The following ARHGAP22 variants were observed in gnomAD, a reference collection of about 807,000 sequenced individuals.
ARHGAP22 encodes Rho GTPase activating protein 22.
In ARHGAP22, 48 loss-of-function variants were observed where a neutral mutation model predicts 59.1. The ratio of observed to expected loss-of-function variants is 0.81; its 90% CI spans 0.64 to 1.03. The LOEUF is 1.03. Ranked by LOEUF, ARHGAP22 falls within the 50% of genes least tolerant of loss-of-function variation. The pLI is 0.00. For synonymous variants in ARHGAP22, 445 were observed against 416.4 expected, an observed-to-expected ratio of 1.07 and a Z score of -0.84; for missense variants, 1,015 against 958.7, an observed-to-expected ratio of 1.06 and a Z score of -0.78.
intron 3 of ARHGAP22, among the ~76,000 whole-genome samples, chr10:48,520,788 G>A (rs563913297): frequency 6.6e-6 from 1 of 152,246 alleles, no homozygotes; most frequent in East Asian, 1.9e-4. Flanking sequence ...CAGGAAGGGT[G>A]AGGGGCGAAG....
chr10:48,541,895 A>T (rs2055982207), intron 3 of ARHGAP22, among the ~76,000 whole-genome samples: 1 of 151,984 alleles, frequency 6.6e-6, no homozygotes, highest in East Asian at 1.9e-4. Context: ...CCATGGGGGG[A>T]GTTCAGTTAA....
intron 2 of ARHGAP22, among the ~76,000 whole-genome samples, chr10:48,567,823 G>T (rs1218653171): frequency 6.6e-6 from 1 of 151,932 alleles, no homozygotes; most frequent in Non-Finnish European, 1.5e-5. Context: ...CATTACTACA[G>T]TGAGAGGTAA....
the ARHGAP22 span, among the ~76,000 whole-genome samples, chr10:48,439,600 A>G: frequency 3.3e-5 from 5 of 152,166 alleles, no homozygotes; most frequent in East Asian, 5.8e-4. Flanking sequence ...CTTTGCTTCA[A>G]TGCCCTTAAC....
At chr10:48,609,058 CA>C (rs1162860846), upstream of ARHGAP22, among the ~76,000 whole-genome samples, 1 of 152,112 alleles carries the variant, frequency 6.6e-6, no homozygotes, top group Non-Finnish European at 1.5e-5. Flanking sequence ...GTATTTACAC[CA>C]AGAAAACTAG....
chr10:48,611,319 G>A (rs973523890), intron 1 of ARHGAP22, among the ~76,000 whole-genome samples: 4 of 152,136 alleles, frequency 2.6e-5, no homozygotes, highest in African/African-American at 7.2e-5. Context: ...AGGCTGAGAC[G>A]AAAGAGTGAA....
chr10:48,457,973 G>A (rs2046729646), intron 5 of ARHGAP22, among the ~76,000 whole-genome samples: 1 of 10,628 alleles, frequency 9.4e-5, no homozygotes, highest in East Asian at 1.5e-3. Context: ...GGGAAGGGGG[G>A]CCTCCCTCAG....
upstream of ARHGAP22, among the ~76,000 whole-genome samples, chr10:48,653,029 C>A (rs75541386): frequency 1.0e-2 from 1,523 of 152,320 alleles, 33 homozygotes; most frequent in African/African-American, 0.035. Flanking sequence ...CCATCAGCAT[C>A]ATTGACATAG....
intron 3 of ARHGAP22, among the ~76,000 whole-genome samples, chr10:48,519,595 G>A (rs73298225): frequency 0.011 from 1,668 of 152,366 alleles, 36 homozygotes; most frequent in African/African-American, 0.038. Flanking sequence ...TGTGGTGCCA[G>A]GCCACATAGG....
chr10:48,547,843 G>A (rs2056579341), intron 3 of ARHGAP22, among the ~76,000 whole-genome samples: 1 of 152,196 alleles, frequency 6.6e-6, no homozygotes, highest in Non-Finnish European at 1.5e-5. Context: ...AAAGGGCAAG[G>A]CCAATGATGT....
Position 48,593,005 on chromosome 10 carries a change from C to T in ARHGAP22, c.35-9853G>A, listed in dbSNP as rs866676801. Among the ~76,000 whole-genome samples the T allele has an allele frequency of 1.1e-3, 169 of 152,370 alleles. 1 individual carries two copies. The highest frequency in any genetic ancestry group is 3.7e-3 in the African/African-American group (154 of 41,584). ...ATGAGGGTCCTGGGGACCGGCCACA[C>T]GGCCTCTCGGCCTCCTTTATCCTCT... is the stretch of plus-strand genomic sequence containing the variant. On this transcript the variant is annotated intron_variant, in intron 1 of 9. Transcript: ENST00000249601.
chr10:48,581,278 G>A (rs1382146906), intron 2 of ARHGAP22, among the ~76,000 whole-genome samples: 1 of 152,184 alleles, frequency 6.6e-6, no homozygotes, highest in African/African-American at 2.4e-5. Context: ...GGGCTGGCAC[G>A]TTTGCTATAA....
intron 4 of ARHGAP22, among the ~76,000 whole-genome samples, chr10:48,465,365 G>A (rs906372299): frequency 2.0e-5 from 3 of 152,220 alleles, no homozygotes; most frequent in Admixed American, 6.5e-5. Context: ...ATCCCACACC[G>A]GAGAGGAAGC....
intron 1 of ARHGAP22, among the ~76,000 whole-genome samples, chr10:48,601,578 C>T (rs1475292599): frequency 6.6e-6 from 1 of 152,136 alleles, no homozygotes; most frequent in African/African-American, 2.4e-5. Context: ...TTCTTTTACA[C>T]CCTTTCCCCC....
At chr10:48,481,156 A>G (rs1564737829) in intron 3 of ARHGAP22, among the ~76,000 whole-genome samples, 2 of 152,242 alleles carry the variant, frequency 1.3e-5, no homozygotes, top group African/African-American at 4.8e-5. Context: ...AGGAAGCTGG[A>G]GGCTGAGACA....
chr10:48,613,495 C>G (rs2060969756), intron 1 of ARHGAP22, among the ~76,000 whole-genome samples: 1 of 152,144 alleles, frequency 6.6e-6, no homozygotes, highest in Non-Finnish European at 1.5e-5. Context: ...TTAAGCCAAA[C>G]CCAAGTTTCC....
intron 1 of ARHGAP22, among the ~76,000 whole-genome samples, chr10:48,598,630 G>A (rs868536968): frequency 1.3e-5 from 2 of 152,102 alleles, no homozygotes; most frequent in Non-Finnish European, 2.9e-5. Context: ...CACTCCCTGC[G>A]CACCTGCTGC....
At position 48,446,525 on chromosome 10, in the gene ARHGAP22, T is replaced by C. The variant is rs2045363060; in HGVS notation, c.1963A>G (p.Lys655Glu). ...CGCGCCCGTTCAGAGTTCCGCAGCTTTATTTCCAGCATGATGTATTTTTTC... is the reference window on the plus strand; with the variant it reads ...CGCGCCCGTTCAGAGTTCCGCAGCTCTATTTCCAGCATGATGTATTTTTTC... ...EKKKYIMLEIKLRNSERARED... is the reference protein window; with the variant it reads ...EKKKYIMLEIELRNSERARED... The change falls in exon 10 of 10, where the codon AAG (lysine) becomes GAG (glutamate). Residue 655 changes from lysine (K) to glutamate (E), a missense_variant. Coordinates refer to ENST00000249601, the MANE Select transcript of ARHGAP22 (RefSeq NM_021226.4). 6.2e-7 allele frequency: 1 copy of C among 1,614,096 alleles called. No homozygotes were observed. Among genetic ancestry groups the C allele is most frequent in the Non-Finnish European group, 8.5e-7 (1 of 1,180,046 alleles).
chr10:48,569,131 A>G (rs1465142222), intron 2 of ARHGAP22, among the ~76,000 whole-genome samples: 1 of 152,308 alleles, frequency 6.6e-6, no homozygotes, highest in East Asian at 1.9e-4. Context: ...AACTAGTGCT[A>G]TGCTCTGGGG....
intron 2 of ARHGAP22, among the ~76,000 whole-genome samples, chr10:48,578,090 T>A (rs2058866623): frequency 6.6e-6 from 1 of 152,166 alleles, no homozygotes; most frequent in Non-Finnish European, 1.5e-5. Flanking sequence ...ACTAGAGGCG[T>A]GAGCCACTGC....
Sources: allele counts gnomAD v4.1 joint callset (sites outside exome capture counted in the v4.1 genomes callset), GRCh38; gene constraint gnomAD v4.1.1; transcripts MANE v1.5; gene names NCBI Gene and HGNC (gene_info 2026-07-23, HGNC 2026-07-21).